TMEM132C: variants seen among roughly 807,000 people sequenced by gnomAD.
TMEM132C encodes the protein protein phosphatase 1, regulatory subunit 152.
A neutral mutation model predicts 61.4 loss-of-function variants in TMEM132C; 29 were observed. The observed-to-expected ratio is 0.47, with a 90% CI of 0.35 to 0.64. TMEM132C has a LOEUF of 0.64. Among genes scored for constraint, TMEM132C ranks in the 30% least tolerant of loss-of-function variants. TMEM132C has a pLI of 0.00. For missense variants in TMEM132C, 1,408 were observed against 1,476.9 expected (o/e 0.95, Z 0.76); for synonymous variants, 656 against 633.1 (o/e 1.04, Z -0.54).
chr12:128,591,037 C>A (rs1189229653), intron 3 of TMEM132C, among the ~76,000 whole-genome samples: 5 of 152,174 alleles, frequency 3.3e-5, no homozygotes, highest in Admixed American at 2.0e-4. Context: ...CCTGCCTCAG[C>A]CTCCCAAAGT....
At chr12:128,312,634 G>A (rs1225985102) in intron 1 of TMEM132C, among the ~76,000 whole-genome samples, 7 of 152,164 alleles carry the variant, frequency 4.6e-5, no homozygotes, top group Non-Finnish European at 2.9e-5. Context: ...ACACTAAGGA[G>A]CACCAAGAAT....
intron 2 of TMEM132C, among the ~76,000 whole-genome samples, chr12:128,513,202 CAG>C (rs1318578737): frequency 2.0e-5 from 3 of 151,998 alleles, no homozygotes; most frequent in African/African-American, 4.8e-5. Flanking sequence ...CACCTGCTCA[CAG>C]GGGAAGGACT....
At chr12:128,496,782 T>G (rs1177527193) in intron 2 of TMEM132C, among the ~76,000 whole-genome samples, 1 of 152,226 alleles carries the variant, frequency 6.6e-6, no homozygotes, top group Admixed American at 6.5e-5. Flanking sequence ...TTCGAACTTC[T>G]TCCTTTAGCT....
At chr12:128,526,755 A>C (rs1873099479) in intron 2 of TMEM132C, among the ~76,000 whole-genome samples, 1 of 152,176 alleles carries the variant, frequency 6.6e-6, no homozygotes, top group Non-Finnish European at 1.5e-5. Context: ...TGAAGACACC[A>C]GCCGTGCAGA....
chr12:128,315,906 G>A (rs1872136580), intron 1 of TMEM132C, among the ~76,000 whole-genome samples: 2 of 151,876 alleles, frequency 1.3e-5, no homozygotes, highest in African/African-American at 4.8e-5. Context: ...CAGGAGAACG[G>A]CATGGAACAG....
intron 1 of TMEM132C, among the ~76,000 whole-genome samples, chr12:128,351,298 G>A (rs1873330245): frequency 6.6e-6 from 1 of 152,160 alleles, no homozygotes; most frequent in Admixed American, 6.5e-5. Flanking sequence ...AAGGGACATA[G>A]AAAGGTCTGT....
intron 2 of TMEM132C, among the ~76,000 whole-genome samples, chr12:128,523,813 A>G (rs7304656): frequency 1.4e-4 from 20 of 144,954 alleles, no homozygotes; most frequent in Middle Eastern, 3.4e-3. Flanking sequence ...AAGCCCAGGA[A>G]AAAAAAAAAA....
At chr12:128,399,206 A>C (rs1352105022) in intron 1 of TMEM132C, among the ~76,000 whole-genome samples, 2 of 152,216 alleles carry the variant, frequency 1.3e-5, no homozygotes, top group Non-Finnish European at 2.9e-5. Context: ...CAAGTTTTTA[A>C]AAATTATCTG....
intron 4 of TMEM132C, among the ~76,000 whole-genome samples, chr12:128,647,496 A>G (rs1265986453): frequency 6.6e-6 from 1 of 150,468 alleles, no homozygotes; most frequent in Admixed American, 6.6e-5. Flanking sequence ...TGCTTACTAG[A>G]TCCCATCAAT....
intron 2 of TMEM132C, among the ~76,000 whole-genome samples, chr12:128,478,626 T>G (rs1162195334): frequency 6.6e-6 from 1 of 152,244 alleles, no homozygotes; most frequent in Non-Finnish European, 1.5e-5. Flanking sequence ...AGATGACACC[T>G]GTCCCATCTT....
chr12:128,353,322 G>A (rs113642647), intron 1 of TMEM132C, among the ~76,000 whole-genome samples: 6 of 152,186 alleles, frequency 3.9e-5, no homozygotes, highest in African/African-American at 1.4e-4. Flanking sequence ...AGATGTGGTC[G>A]TGGTGAAGGT....
At chr12:128,620,297 T>G (rs1953951739) in intron 4 of TMEM132C, among the ~76,000 whole-genome samples, 1 of 147,948 alleles carries the variant, frequency 6.8e-6, no homozygotes, top group Non-Finnish European at 1.5e-5. Context: ...CACACTAAGC[T>G]CTGCAGGTAT....
rs1351811677 is a variant in TMEM132C, at chr12:128,705,181, C to A, written c.2213C>A (p.Thr738Asn). 4.5e-6 allele frequency: 7 copies of A among 1,551,694 alleles called. No homozygotes were observed. Among genetic ancestry groups the A allele is most frequent in the Non-Finnish European group, 6.1e-6 (7 of 1,146,990 alleles). ...YDTKDFSLAA[T>N]SQDEAVVSVP... ...ACCAAGGACTTCTCCCTGGCAGCCA[C>A]CTCCCAGGACGAGGCTGTCGTGTCA... The change falls in exon 9 of 9, where the codon ACC becomes AAC. Residue 738 changes from threonine (T) to asparagine (N), a missense_variant. Thr to Asn is a moderately conservative substitution (Grantham distance 65). Transcript: ENST00000435159.
At chr12:128,583,369 T>C (rs1875417161) in intron 3 of TMEM132C, among the ~76,000 whole-genome samples, 2 of 148,424 alleles carry the variant, frequency 1.3e-5, no homozygotes, top group South Asian at 4.4e-4. Flanking sequence ...AGATTCTAAG[T>C]CTCCCTTATG....
intron 3 of TMEM132C, among the ~76,000 whole-genome samples, chr12:128,572,225 G>C (rs1874913189): frequency 6.6e-6 from 1 of 152,096 alleles, no homozygotes; most frequent in Non-Finnish European, 1.5e-5. Flanking sequence ...TGGTTGGCCA[G>C]GCCTGGGTCA....
chr12:128,451,397 T>C (rs1001529326), intron 2 of TMEM132C, among the ~76,000 whole-genome samples: 1 of 152,226 alleles, frequency 6.6e-6, no homozygotes, highest in Non-Finnish European at 1.5e-5. Context: ...CTTTACTTTC[T>C]GATTTCTAGA....
chr12:128,609,957 T>A (rs868235254), intron 3 of TMEM132C, among the ~76,000 whole-genome samples: 25 of 152,238 alleles, frequency 1.6e-4, no homozygotes, highest in Admixed American at 3.3e-4. Context: ...CCTGGTAATT[T>A]TGAGGCATTT....
At chr12:128,428,351 T>A (rs553692149) in intron 2 of TMEM132C, among the ~76,000 whole-genome samples, 3 of 152,312 alleles carry the variant, frequency 2.0e-5, no homozygotes, top group Admixed American at 2.0e-4. Context: ...GCCCACATTG[T>A]TCTCCTTCTC....
rs534893700 is a variant in TMEM132C at position 128,346,343 on chromosome 12, C to T, written c.86-68389C>T. Among the ~76,000 whole-genome samples, 19 of 152,232 alleles carry T rather than the reference C, an allele frequency of 1.2e-4. No homozygotes were observed. In the South Asian group the frequency reaches 2.9e-3, roughly 23 times the overall value. On this transcript the variant is annotated intron_variant, in intron 1 of 8. Transcript: ENST00000435159. ...CTTTGAAGTCGGGTAATGGTGATGC[C>T]TCCAGCTTTGTTCTTTTTGCTTAGG...
Sources: allele counts gnomAD v4.1 joint callset (sites outside exome capture counted in the v4.1 genomes callset), GRCh38; gene constraint gnomAD v4.1.1; transcripts MANE v1.5; gene names NCBI Gene and HGNC (gene_info 2026-07-23, HGNC 2026-07-21).